Variants in SCN10A observed in about 807,000 individuals in gnomAD.
SCN10A encodes the protein sodium channel protein type 10 subunit alpha.
SCN10A carries 162 observed loss-of-function variants against 170.7 expected under a neutral mutation model. The ratio of observed to expected loss-of-function variants is 0.95; its 90% CI spans 0.84 to 1.08. The LOEUF is 1.08. SCN10A is among the 50% of genes least tolerant of loss of function. The pLI is 0.00. For synonymous variants in SCN10A, 985 were observed against 904.6 expected, an observed-to-expected ratio of 1.09 and a Z score of -1.59; for missense variants, 2,527 against 2,436.9, an observed-to-expected ratio of 1.04 and a Z score of -0.78.
intron 4 of SCN10A, among the ~76,000 whole-genome samples, chr3:38,780,418 G>T (rs2064125793): frequency 6.6e-6 from 1 of 151,924 alleles, no homozygotes; most frequent in African/African-American, 2.4e-5. Flanking sequence ...TAATGTAATA[G>T]GCATTTTTAA....
chr3:38,769,953 G>T (rs1052639411), intron 5 of SCN10A, among the ~76,000 whole-genome samples: 1 of 152,214 alleles, frequency 6.6e-6, no homozygotes. Flanking sequence ...ATCTGTTCTG[G>T]TGAAGGTGGC....
At chr3:38,712,018 T>A in intron 23 of SCN10A, 143 bp downstream of exon 23, 1 of 748,746 alleles carries the variant, frequency 1.3e-6, no homozygotes, top group Non-Finnish European at 2.2e-6. Context: ...CATGGTGTAG[T>A]CTGTAGGAAT....
At chr3:38,761,171 T>C in intron 7 of SCN10A, 21 bp downstream of exon 7, 1 of 1,561,926 alleles carries the variant, frequency 6.4e-7, no homozygotes, top group South Asian at 1.2e-5. Context: ...CCTTGGTCCC[T>C]ATGGAAGAGA....
chr3:38,808,327 G>C (rs1222508738), intron 1 of SCN10A, among the ~76,000 whole-genome samples: 1 of 152,052 alleles, frequency 6.6e-6, no homozygotes, highest in African/African-American at 2.4e-5. Flanking sequence ...TTAAGTGTCA[G>C]TTTTTCAGAA....
intron 13 of SCN10A, among the ~76,000 whole-genome samples, chr3:38,747,715 G>A (rs2063706149): frequency 6.6e-6 from 1 of 152,234 alleles, no homozygotes; most frequent in Non-Finnish European, 1.5e-5. Context: ...ACACTGGGAT[G>A]TGTTTGGGAC....
At chr3:38,799,023 T>A (rs994117849) in intron 1 of SCN10A, among the ~76,000 whole-genome samples, 1 of 152,078 alleles carries the variant, frequency 6.6e-6, no homozygotes, top group African/African-American at 2.4e-5. Context: ...GCTCAAGCAA[T>A]CTTCCCACCT....
At chr3:38,746,972 C>T (rs1377608844) in intron 13 of SCN10A, among the ~76,000 whole-genome samples, 1 of 152,132 alleles carries the variant, frequency 6.6e-6, no homozygotes, top group African/African-American at 2.4e-5. Context: ...AAGCATAATC[C>T]CTCTTAAAGA....
At chr3:38,725,959 G>T (rs184831220) in intron 17 of SCN10A, among the ~76,000 whole-genome samples, 3 of 152,328 alleles carry the variant, frequency 2.0e-5, no homozygotes, top group East Asian at 3.9e-4. Flanking sequence ...TAGTAACCTG[G>T]CCAGCAGCCC....
chr3:38,793,192 A>G (rs904757398), intron 2 of SCN10A, among the ~76,000 whole-genome samples: 1 of 152,150 alleles, frequency 6.6e-6, no homozygotes, highest in Non-Finnish European at 1.5e-5. Context: ...ATCATCCCCC[A>G]TCAATAGCCT....
In SCN10A at chr3:38,726,946, C is replaced by G. The variant is rs267599804; in HGVS notation, c.2747G>C (p.Arg916Pro). 9 of 1,614,240 alleles carry G rather than the reference C, an allele frequency of 5.6e-6. No individual in the cohort carries two copies. In the South Asian group the frequency reaches 9.9e-5, roughly 18 times the overall value. ...GGTACGATGGCCAAAGACCTGGATC[C>G]GTGCCAGGGCCACCTGCAGGTTGTT... ...EVNNLQVALA[R>P]IQVFGHRTKQ... The change falls in exon 17 of 28, where the codon CGG (arginine) becomes CCG (proline). Residue 916 changes from arginine (R) to proline (P), a missense_variant. Physicochemically the swap from Arg to Pro is moderately radical, Grantham distance 103. Transcript: ENST00000449082.
At chr3:38,722,745 G>C (rs2063407543) in intron 19 of SCN10A, among the ~76,000 whole-genome samples, 1 of 152,192 alleles carries the variant, frequency 6.6e-6, no homozygotes, top group Non-Finnish European at 1.5e-5. Flanking sequence ...GTGCCTGAGG[G>C]GGATATGCTC....
intron 21 of SCN10A, among the ~76,000 whole-genome samples, chr3:38,714,700 T>C (rs1466524427): frequency 6.6e-6 from 1 of 152,202 alleles, no homozygotes; most frequent in East Asian, 1.9e-4. Flanking sequence ...AAAAAGTTTC[T>C]GGTATGGGTC....
Position 38,707,388 on chromosome 3 carries a change from A to C in SCN10A, c.4282-5T>G, listed in dbSNP as rs1339293387. 6.2e-7 allele frequency: 1 copy of C among 1,613,770 alleles called. No homozygotes were observed. Among genetic ancestry groups the C allele is most frequent in the Non-Finnish European group, 8.5e-7 (1 of 1,179,680 alleles). ...GAAGATGTCCTGGCCCCCTAAGTGC[A>C]GAGAGGGCCACACTGTTACTAAAGC... On this transcript the variant is annotated splice_polypyrimidine_tract_variant and splice_region_variant and intron_variant, in intron 25 of 27. Transcript: ENST00000449082.
At chr3:38,723,290 C>A (rs1244073935) in intron 19 of SCN10A, 140 bp downstream of exon 19, 12 of 987,258 alleles carry the variant, frequency 1.2e-5, no homozygotes. Context: ...GTGTCTGATG[C>A]GGGCGCCCTC....
At chr3:38,795,285 G>A (rs2064332168) in intron 1 of SCN10A, among the ~76,000 whole-genome samples, 1 of 151,128 alleles carries the variant, frequency 6.6e-6, no homozygotes, top group Non-Finnish European at 1.5e-5. Flanking sequence ...AGATTGCCTT[G>A]TGGCTAAAGT....
At chr3:38,812,445 T>A (rs1200214329) in intron 1 of SCN10A, among the ~76,000 whole-genome samples, 1 of 151,046 alleles carries the variant, frequency 6.6e-6, no homozygotes, top group East Asian at 1.9e-4. Flanking sequence ...TACTGGTGAT[T>A]TTTTTTTTAA....
intron 13 of SCN10A, among the ~76,000 whole-genome samples, chr3:38,749,509 G>T (rs879054744): frequency 6.6e-6 from 1 of 152,192 alleles, no homozygotes; most frequent in Admixed American, 6.5e-5. Context: ...TAGATACATT[G>T]CTGGGGAGAC....
chr3:38,716,856 T>C (rs1302384397), intron 21 of SCN10A, among the ~76,000 whole-genome samples: 1 of 152,020 alleles, frequency 6.6e-6, no homozygotes, highest in Non-Finnish European at 1.5e-5. Flanking sequence ...AATTAGTGAA[T>C]GACTGGAAGG....
chr3:38,717,611 G>C (rs947333021), intron 21 of SCN10A, among the ~76,000 whole-genome samples: 2 of 152,252 alleles, frequency 1.3e-5, no homozygotes, highest in African/African-American at 4.8e-5. Flanking sequence ...GCACAGGCCT[G>C]CTATGGAGGA....
Sources: allele counts gnomAD v4.1 joint callset (sites outside exome capture counted in the v4.1 genomes callset), GRCh38; gene constraint gnomAD v4.1.1; transcripts MANE v1.5; gene names NCBI Gene and HGNC (gene_info 2026-07-23, HGNC 2026-07-21).